COL1A2: variants seen among roughly 807,000 people sequenced by gnomAD.
The protein encoded by COL1A2 is collagen alpha-2(I) chain.
In COL1A2, 49 loss-of-function variants were observed where a neutral mutation model predicts 174.3. That is an observed-to-expected ratio of 0.28 (90% confidence interval 0.22 to 0.36). The LOEUF is 0.36. Among genes scored for constraint, COL1A2 ranks in the 10% least tolerant of loss-of-function variants. COL1A2 has a pLI of 1.00. For synonymous variants in COL1A2, 655 were observed against 606.6 expected (o/e 1.08, Z -1.17); for missense variants, 1,438 against 1,822.7 (o/e 0.79, Z 3.84).
chr7:94,411,033 GTT>G lies in COL1A2; in HGVS notation c.1252-8_1252-7del, dbSNP rs35587403. The G allele has an allele frequency of 8.2e-3, 11,462 of 1,404,716 alleles. No homozygotes were observed. Among genetic ancestry groups the G allele is most frequent in the Non-Finnish European group, 9.3e-3 (9,555 of 1,031,434 alleles). 87.0% of individuals were successfully genotyped at this position (1,404,716 alleles called of 1,614,324 possible). ...GCTTTAGCATCCTCCTCCTCTATCT[GTT>G]TTTTTTTTTTTTTTGAATAGGGCCC... On this transcript the variant is annotated intron_variant, in intron 22 of 51. Transcript: ENST00000297268.
At position 94,426,020 on chromosome 7, in the gene COL1A2, C is replaced by G; in HGVS notation, c.2966C>G (p.Pro989Arg). 1.2e-6 allele frequency: 2 copies of G among 1,614,116 alleles called. No individual in the cohort carries two copies. Among genetic ancestry groups the G allele is most frequent in the Non-Finnish European group, 1.7e-6 (2 of 1,180,012 alleles). The stretch of plus-strand genomic sequence containing the variant: ...CAGGGTCCTTCTGGTCCTGTTGGTC[C>G]TGCTGGTGCTGTTGGCCCAAGAGGT... ...GETGPSGPVG[P>R]AGAVGPRGPS... The change falls in exon 45 of 52, where the codon CCT becomes CGT. Residue 989 changes from proline to arginine, a missense_variant. Coordinates refer to ENST00000297268, the MANE Select transcript of COL1A2 (RefSeq NM_000089.4).
intron 38 of COL1A2, 136 bp from the exon 39 acceptor site, chr7:94,421,763 A>G: frequency 5.3e-6 from 4 of 751,282 alleles, no homozygotes; most frequent in Non-Finnish European, 7.1e-6. Flanking sequence ...AATGCCCTAT[A>G]TGAAGCTGCC....
intron 39 of COL1A2, among the ~76,000 whole-genome samples, chr7:94,422,206 A>C (rs1011478182): frequency 1.5e-4 from 23 of 151,294 alleles, no homozygotes; most frequent in Admixed American, 7.2e-4. Flanking sequence ...AAAAAAAAAA[A>C]ACAAAAAAAC....
rs1791550718 is a variant in COL1A2 at position 94,394,896 on chromosome 7, G to A, written c.-136G>A. 1 of 750,898 alleles carries A rather than the reference G, an allele frequency of 1.3e-6. No individual in the cohort carries two copies. Among genetic ancestry groups the A allele is most frequent in the Admixed American group, 1.9e-5 (1 of 54,050 alleles). The allele number at this position is 750,898 out of a possible 1,614,324, so 46.5% of individuals were successfully genotyped here. The stretch of plus-strand genomic sequence containing the variant: ...GGCAGATCCGGGCTTTATTATTTTA[G>A]CACCACGGCAGCAGGAGGTTTCGGC... On this transcript the variant is annotated 5_prime_UTR_variant, in exon 1 of 52. Coordinates refer to ENST00000297268, the MANE Select transcript of COL1A2 (RefSeq NM_000089.4).
At position 94,410,900 on chromosome 7, in the gene COL1A2, T is replaced by G; in HGVS notation, c.1209T>G (p.Gly403=). ...GTACTTTCTTGCAGGGTAGTCCTGGTTCTCGTGGTCTTCCTGGAGCTGATG... is the reference window on the plus strand; with the variant it reads ...GTACTTTCTTGCAGGGTAGTCCTGGGTCTCGTGGTCTTCCTGGAGCTGATG... ...PGPPGLRGSP[G]SRGLPGADGR... The change falls in exon 22 of 52, where the codon GGT becomes GGG. Residue 403 remains glycine, a synonymous_variant. Coordinates refer to ENST00000297268, the MANE Select transcript of COL1A2 (RefSeq NM_000089.4). 2 of 1,614,108 alleles carry G rather than the reference T, an allele frequency of 1.2e-6. No homozygotes were observed. The highest frequency in any genetic ancestry group is 1.7e-6 in the Non-Finnish European group (2 of 1,179,992).
rs1016068209 is a variant in COL1A2 at position 94,411,087 on chromosome 7, C to T, written c.1283C>T (p.Pro428Leu). ...CCTGGTAGTCGTGGTGCAAGTGGCC[C>T]TGCTGGAGTCCGAGGACCTAATGGA... is the stretch of plus-strand genomic sequence containing the variant. ...GPPGSRGASGPAGVRGPNGDA... is the reference protein window; with the variant it reads ...GPPGSRGASGLAGVRGPNGDA... Residue 428 changes from proline to leucine, a missense_variant, in exon 23 of 52, where the codon CCT becomes CTT. Around this residue, in one of 3 missense-constraint regions of COL1A2, gnomAD observed 867 missense variants for 1,213.7 expected, o/e 0.71. Coordinates refer to ENST00000297268, the MANE Select transcript of COL1A2 (RefSeq NM_000089.4). 3 of 1,604,370 alleles carry T rather than the reference C, an allele frequency of 1.9e-6. No individual in the cohort carries two copies. The highest frequency in any genetic ancestry group is 2.2e-5 in the South Asian group (2 of 89,604).
chr7:94,397,768 A>G lies in COL1A2; in HGVS notation c.81+10A>G, dbSNP rs750283092. ...TACAGCTTTACAAGAGGTGAGTAAA[A>G]CTTTTTTTAGAATTTTTAAAAATAC... On this transcript the variant is annotated intron_variant, in intron 2 of 51. Coordinates refer to ENST00000297268, the MANE Select transcript of COL1A2 (RefSeq NM_000089.4). 1.6e-5 allele frequency: 21 copies of G among 1,313,632 alleles called. No homozygotes were observed. The highest frequency in any genetic ancestry group is 2.1e-5 in the Non-Finnish European group (19 of 920,792). The allele number at this position is 1,313,632 out of a possible 1,614,324, so 81.4% of individuals were successfully genotyped here.
intron 46 of COL1A2, 44 bp from the exon 47 acceptor site, chr7:94,426,964 G>T: frequency 6.5e-7 from 1 of 1,548,572 alleles, no homozygotes; most frequent in Non-Finnish European, 8.9e-7. Flanking sequence ...TATGTCTCTT[G>T]ACATGTGCTC....
At chr7:94,414,378 C>T (rs1418405082) in intron 29 of COL1A2, 103 bp downstream of exon 29, 9 of 1,069,938 alleles carry the variant, frequency 8.4e-6, no homozygotes, top group African/African-American at 6.3e-5. Context: ...AAGAAAATTT[C>T]GTATTTCATA....
rs191516667 is a variant in COL1A2 at position 94,398,456 on chromosome 7, T to A, written c.96+60T>A. On this transcript the variant is annotated intron_variant, in intron 3 of 51. Coordinates refer to ENST00000297268, the MANE Select transcript of COL1A2 (RefSeq NM_000089.4). ...ATTATCAGGGATAACATAATTTAAC[T>A]AAATTTATAGTAGACTATAGAAGGA... is the stretch of plus-strand genomic sequence containing the variant. 2.1e-4 allele frequency: 157 copies of A among 742,860 alleles called. No individual in the cohort carries two copies. In the African/African-American group the frequency reaches 2.8e-3, roughly 13 times the overall value. 46.0% of individuals were successfully genotyped at this position (742,860 alleles called of 1,614,324 possible). A position where few individuals can be genotyped will look rare whatever the true frequency, so the allele number is the denominator to read the frequency against.
chr7:94,430,772 T>C lies in COL1A2; in HGVS notation c.*379T>C. 1 of 256,144 alleles carries C rather than the reference T, an allele frequency of 3.9e-6. No homozygotes were observed. The highest frequency in any genetic ancestry group is 4.8e-5 in the South Asian group (1 of 21,008). 15.9% of individuals were successfully genotyped at this position (256,144 alleles called of 1,614,324 possible). A position where few individuals can be genotyped will look rare whatever the true frequency, so the allele number is the denominator to read the frequency against. ...AACCCAAACTTCCAAAGGTTTAAACTACCTCAAAACACTTTCCCATGAGTG... is the reference window on the plus strand; with the variant it reads ...AACCCAAACTTCCAAAGGTTTAAACCACCTCAAAACACTTTCCCATGAGTG... On this transcript the variant is annotated 3_prime_UTR_variant, in exon 52 of 52. Coordinates refer to ENST00000297268, the MANE Select transcript of COL1A2 (RefSeq NM_000089.4).
At chr7:94,428,209 G>A in intron 49 of COL1A2, 84 bp from the exon 50 acceptor site, 1 of 1,179,750 alleles carries the variant, frequency 8.5e-7, no homozygotes, top group Non-Finnish European at 1.3e-6. Flanking sequence ...ACTTATGAGA[G>A]TCAGTATCTT....
At chr7:94,428,506 C>A in intron 50 of COL1A2, 29 bp downstream of exon 50, 4 of 1,587,444 alleles carry the variant, frequency 2.5e-6, no homozygotes, top group Non-Finnish European at 2.6e-6. Context: ...ACCTCTCCTT[C>A]TGCTAAATAA....
At chr7:94,400,037 T>G (rs759681352) in intron 4 of COL1A2, 159 bp from the exon 5 acceptor site, 1 of 790,640 alleles carries the variant, frequency 1.3e-6, no homozygotes, top group East Asian at 2.4e-5. Context: ...CTTTCTAAAA[T>G]AGACTCATAA....
At chr7:94,417,426 T>C in intron 31 of COL1A2, 1 of 411,400 alleles carries the variant, frequency 2.4e-6, no homozygotes, top group Non-Finnish European at 4.6e-6. Flanking sequence ...TTTTTTACTC[T>C]CTGCTTCCCA....
Position 94,409,570 on chromosome 7 carries a change from C to T in COL1A2, c.898C>T (p.Pro300Ser). The T allele has an allele frequency of 6.2e-7, 1 of 1,614,196 alleles. No homozygotes were observed. The highest frequency in any genetic ancestry group is 8.5e-7 in the Non-Finnish European group (1 of 1,180,042). The change falls in exon 18 of 52, where the codon CCT (proline) becomes TCT (serine). Residue 300 changes from proline (P) to serine (S), a missense_variant. Transcript: ENST00000297268. ...LSGPVGPPGN[P>S]GANGLTGAKG... ...CCTTTCCTTTTCCTCATAGGGTAAT[C>T]CTGGAGCAAACGGCCTTACTGGTGC...
intron 39 of COL1A2, chr7:94,422,364 A>G (rs2115938507): frequency 6.2e-6 from 1 of 161,256 alleles, no homozygotes; most frequent in Non-Finnish European, 1.4e-5. Context: ...TCCTGTCAGG[A>G]CTCAAGAAAA....
chr7:94,401,671 A>T, intron 6 of COL1A2, 51 bp downstream of exon 6: 1 of 1,352,992 alleles, frequency 7.4e-7, no homozygotes, highest in South Asian at 1.2e-5. Flanking sequence ...TAAATCATTC[A>T]TTTTATGTCA....
At chr7:94,410,747 C>A in intron 21 of COL1A2, 142 bp from the exon 22 acceptor site, 1 of 980,790 alleles carries the variant, frequency 1.0e-6, no homozygotes, top group Non-Finnish European at 1.6e-6. Context: ...CTATGAATTC[C>A]TCTAGGGGTT....
Sources: gnomAD v4.1 joint callset for allele counts (sites outside exome capture counted in the v4.1 genomes callset) on GRCh38, gnomAD v4.1.1 for gene constraint, gnomAD v4.1.1 regional missense constraint, MANE v1.5 for transcripts, NCBI Gene and HGNC (gene_info 2026-07-23, HGNC 2026-07-21) for gene names.